The following R3HCC1L variants were observed in gnomAD, a reference collection of about 807,000 sequenced individuals.
R3HCC1L encodes coiled-coil domain-containing protein R3HCC1L.
R3HCC1L carries 51 observed loss-of-function variants against 59.9 expected under a neutral mutation model. The observed-to-expected ratio is 0.85, with a 90% CI of 0.68 to 1.07. The LOEUF (loss-of-function observed/expected upper bound fraction) is 1.07. R3HCC1L is among the 50% of genes least tolerant of loss of function. R3HCC1L has a pLI of 0.00. For missense variants in R3HCC1L, 965 were observed against 933.0 expected (o/e 1.03, Z -0.45); for synonymous variants, 322 against 315.2 (o/e 1.02, Z -0.23).
intron 1 of R3HCC1L, among the ~76,000 whole-genome samples, chr10:98,153,457 C>T (rs995230980): frequency 4.6e-5 from 7 of 152,176 alleles, no homozygotes; most frequent in African/African-American, 1.7e-4. Flanking sequence ...CTCAAGTACC[C>T]AGGGACACAA....
At chr10:98,193,168 A>G (rs1486404085) in intron 4 of R3HCC1L, among the ~76,000 whole-genome samples, 3 of 152,158 alleles carry the variant, frequency 2.0e-5, no homozygotes, top group Admixed American at 1.3e-4. Context: ...CACAGCTAAC[A>G]TAATCATTAG....
chr10:98,190,297 C>A (rs1407325423), intron 4 of R3HCC1L, among the ~76,000 whole-genome samples: 1 of 151,930 alleles, frequency 6.6e-6, no homozygotes, highest in Non-Finnish European at 1.5e-5. Flanking sequence ...AGTGGGAAGA[C>A]CTTGAAAGTG....
intron 5 of R3HCC1L, among the ~76,000 whole-genome samples, chr10:98,224,028 C>T (rs567815522): frequency 6.6e-6 from 1 of 151,622 alleles, no homozygotes; most frequent in Non-Finnish European, 1.5e-5. Flanking sequence ...TCTCCAGGCT[C>T]CCTGATGTTG....
intron 4 of R3HCC1L, among the ~76,000 whole-genome samples, chr10:98,175,565 T>C (rs1355427793): frequency 6.6e-6 from 1 of 152,212 alleles, no homozygotes; most frequent in Non-Finnish European, 1.5e-5. Flanking sequence ...TGGAATTGTA[T>C]TTCTCTAATG....
At chr10:98,234,827 A>T (rs1856745164) in intron 7 of R3HCC1L, among the ~76,000 whole-genome samples, 1 of 150,474 alleles carries the variant, frequency 6.6e-6, no homozygotes, top group Non-Finnish European at 1.5e-5. Flanking sequence ...AATATTGGTG[A>T]TTTTTTTTTT....
At chr10:98,204,118 A>C (rs1424832636) in intron 4 of R3HCC1L, among the ~76,000 whole-genome samples, 2 of 152,206 alleles carry the variant, frequency 1.3e-5, no homozygotes, top group Non-Finnish European at 2.9e-5. Flanking sequence ...TAAAAGAGAG[A>C]AAATAATCGG....
intron 4 of R3HCC1L, among the ~76,000 whole-genome samples, chr10:98,185,251 A>G (rs572005035): frequency 6.6e-6 from 1 of 152,156 alleles, no homozygotes; most frequent in Non-Finnish European, 1.5e-5. Context: ...AGTCTGTGCT[A>G]TGTGTCTAGG....
At chr10:98,192,291 A>C (rs1435786648) in intron 4 of R3HCC1L, among the ~76,000 whole-genome samples, 2 of 152,148 alleles carry the variant, frequency 1.3e-5, no homozygotes, top group African/African-American at 2.4e-5. Context: ...TCTTGGAAAT[A>C]ATATAGAGCA....
At chr10:98,190,832 T>G (rs1850754608) in intron 4 of R3HCC1L, among the ~76,000 whole-genome samples, 1 of 130,306 alleles carries the variant, frequency 7.7e-6, no homozygotes, top group Admixed American at 8.2e-5. Context: ...GGCCCCAGTG[T>G]GTGATGTTCA....
chr10:98,203,496 A>G (rs946656260), intron 4 of R3HCC1L, among the ~76,000 whole-genome samples: 5 of 152,224 alleles, frequency 3.3e-5, no homozygotes, highest in African/African-American at 7.2e-5. Flanking sequence ...TTCTAGAAGA[A>G]TGAATAGTAT....
Position 98,209,780 on chromosome 10 carries a change from T to C in R3HCC1L, c.1666T>C (p.Ser556Pro), listed in dbSNP as rs961107798. 1.9e-6 allele frequency: 3 copies of C among 1,613,766 alleles called. No homozygotes were observed. The highest frequency in any genetic ancestry group is 2.7e-5 in the African/African-American group (2 of 74,894). Reference sequence around the variant, plus strand: ...TAGGGAATCATCATCTATGGAAACATCCATCGAACCAAAAGCAACTGAAAC... The same window carrying C: ...TAGGGAATCATCATCTATGGAAACACCCATCGAACCAAAAGCAACTGAAAC... ...PDRESSSMETSIEPKATETSH... is the reference protein window; with the variant it reads ...PDRESSSMETPIEPKATETSH... The change falls in exon 5 of 10, where the codon TCC becomes CCC. Residue 556 changes from serine to proline, a missense_variant. Transcript: ENST00000298999.
intron 1 of R3HCC1L, among the ~76,000 whole-genome samples, chr10:98,145,120 T>C (rs549201418): frequency 6.6e-6 from 1 of 152,346 alleles, no homozygotes; most frequent in Non-Finnish European, 1.5e-5. Context: ...TTTGATCCAA[T>C]AGGTGACAGG....
intron 9 of R3HCC1L, among the ~76,000 whole-genome samples, chr10:98,240,075 G>A (rs1857365468): frequency 1.3e-5 from 2 of 152,204 alleles, no homozygotes; most frequent in South Asian, 4.1e-4. Context: ...GGATGCCAAA[G>A]TGGGCGGATC....
chr10:98,174,894 AT>A, intron 4 of R3HCC1L: 1 of 562,354 alleles, frequency 1.8e-6, no homozygotes, highest in Non-Finnish European at 2.3e-6. Flanking sequence ...GAATTGCCAG[AT>A]TACCTTGGCA....
chr10:98,149,800 G>A (rs914539556), intron 1 of R3HCC1L, among the ~76,000 whole-genome samples: 3 of 152,218 alleles, frequency 2.0e-5, no homozygotes, highest in Admixed American at 2.0e-4. Context: ...TGGCACTTGG[G>A]TGGGATGTTC....
intron 4 of R3HCC1L, chr10:98,174,910 C>T (rs879538917): frequency 7.7e-5 from 34 of 443,820 alleles, no homozygotes; most frequent in Admixed American, 5.8e-4. Context: ...TTGGCATTCT[C>T]GGAGCCCTCT....
intron 4 of R3HCC1L, among the ~76,000 whole-genome samples, chr10:98,165,058 G>A (rs1302057001): frequency 4.6e-5 from 7 of 152,158 alleles, no homozygotes; most frequent in South Asian, 2.1e-4. Context: ...CCAGGAGTTC[G>A]AGACCAGCCT....
intron 9 of R3HCC1L, among the ~76,000 whole-genome samples, chr10:98,242,661 C>T (rs145421501): frequency 1.3e-5 from 2 of 152,176 alleles, no homozygotes; most frequent in African/African-American, 2.4e-5. Context: ...TCATATTACT[C>T]TTAAAGATTT....
In R3HCC1L at chr10:98,214,730, T is replaced by A. The variant is rs1445790215; in HGVS notation, c.1785+4831T>A. ...TCCTATCTTCCAAGATGAGCCAGAA[T>A]TTATAGTATAGTCCTTGACATATAA... is the stretch of plus-strand genomic sequence containing the variant. On this transcript the variant is annotated intron_variant, in intron 5 of 9. Coordinates refer to ENST00000298999, the MANE Select transcript of R3HCC1L (RefSeq NM_001351015.2). 2.6e-5 allele frequency among the ~76,000 whole-genome samples: 4 copies of A among 152,232 alleles called. No homozygotes were observed. The East Asian group carries it at 7.7e-4, about 29-fold the overall frequency.
Sources: allele counts gnomAD v4.1 joint callset (sites outside exome capture counted in the v4.1 genomes callset), GRCh38; gene constraint gnomAD v4.1.1; transcripts MANE v1.5; gene names NCBI Gene and HGNC (gene_info 2026-07-23, HGNC 2026-07-21).